The following PLXDC1 variants were observed in gnomAD, a reference collection of about 807,000 sequenced individuals.
PLXDC1 encodes the protein plexin domain-containing protein 1.
PLXDC1 carries 39 observed loss-of-function variants against 61.3 expected under a neutral mutation model. The ratio of observed to expected loss-of-function variants is 0.64; its 90% CI spans 0.49 to 0.83. The LOEUF is 0.83. PLXDC1 is among the 40% of genes least tolerant of loss of function. PLXDC1 has a pLI of 0.00. For missense variants in PLXDC1, 596 were observed against 666.5 expected, an observed-to-expected ratio of 0.89 and a Z score of 1.17; for synonymous variants, 212 against 254.5, an observed-to-expected ratio of 0.83 and a Z score of 1.59.
At chr17:39,135,384 C>T (rs974755991) in intron 2 of PLXDC1, among the ~76,000 whole-genome samples, 1 of 152,140 alleles carries the variant, frequency 6.6e-6, no homozygotes, top group Non-Finnish European at 1.5e-5. Flanking sequence ...TCTTATAGAT[C>T]GGAAGTTCCT....
chr17:39,123,047 G>T (rs368197499), intron 2 of PLXDC1, among the ~76,000 whole-genome samples: 1 of 152,138 alleles, frequency 6.6e-6, no homozygotes, highest in Non-Finnish European at 1.5e-5. Context: ...AGCACAATTC[G>T]AAAACCATTG....
chr17:39,133,675 G>A (rs1911636720), intron 2 of PLXDC1, among the ~76,000 whole-genome samples: 1 of 152,170 alleles, frequency 6.6e-6, no homozygotes. Context: ...CTGGAGTGCT[G>A]TGGCGCGACC....
intron 11 of PLXDC1, among the ~76,000 whole-genome samples, chr17:39,077,459 A>G (rs1371743537): frequency 6.6e-6 from 1 of 152,186 alleles, no homozygotes; most frequent in African/African-American, 2.4e-5. Context: ...CCAGGGCCTG[A>G]AAGTGAGAAG....
Position 39,069,889 on chromosome 17 carries a change from G to T in PLXDC1, c.1350C>A (p.His450Gln). 2 of 1,614,010 alleles carry T rather than the reference G, an allele frequency of 1.2e-6. No individual in the cohort carries two copies. The highest frequency in any genetic ancestry group is 1.7e-4 in the Middle Eastern group (1 of 6,056). Residue 450 changes from histidine (H) to glutamine (Q), a missense_variant, in exon 13 of 14, where the codon CAC (histidine) becomes CAA (glutamine). Transcript: ENST00000315392. ...IILAGIYING[H>Q]PTSNAALFFI... ...AGAAGAGCGCAGCATTGGATGTGGG[G>T]TGGCCATTGATGTAAATTCCAGCCA...
chr17:39,063,739 C>A lies in PLXDC1; in HGVS notation c.*4101G>T, dbSNP rs1908794077. 4.2e-6 allele frequency: 2 copies of A among 477,036 alleles called. No individual in the cohort carries two copies. Among genetic ancestry groups the A allele is most frequent in the Middle Eastern group, 3.8e-4 (1 of 2,620 alleles). 29.6% of individuals were successfully genotyped at this position (477,036 alleles called of 1,614,324 possible). A position where few individuals can be genotyped will look rare whatever the true frequency, so the allele number is the denominator to read the frequency against. On this transcript the variant is annotated 3_prime_UTR_variant, in exon 14 of 14. Transcript: ENST00000315392. ...CAGTCCCCAGATCTTTGAATTCTAC[C>A]ATTAAGTTCAGGTAGGTTTTTGGAG...
chr17:39,120,530 A>C (rs536621163), intron 2 of PLXDC1, among the ~76,000 whole-genome samples: 2 of 152,218 alleles, frequency 1.3e-5, no homozygotes, highest in East Asian at 3.9e-4. Flanking sequence ...GGCAGATCAC[A>C]TGATGATTAG....
rs1265721612 is a variant in PLXDC1 at position 39,151,363 on chromosome 17, T to G, written c.75A>C (p.Ala25=). Residue 25 remains alanine (A), a splice_region_variant and synonymous_variant, in exon 1 of 14, where the codon GCA becomes GCC. Transcript: ENST00000315392. The surrounding 1 kb of genome is among the most constrained non-coding windows in gnomAD (Gnocchi z 5.2). ...CGGGCCGGCTCCCGCCAGTCCTACC[T>G]GCTCCGGGCTGGGGGCTCAGCGCCC... ...AARALSPQPG[A]GHDEGPGSGW... is the part of the protein sequence containing the mutation. 7.8e-7 allele frequency: 1 copy of G among 1,287,244 alleles called. No individual in the cohort carries two copies. Among genetic ancestry groups the G allele is most frequent in the Non-Finnish European group, 9.8e-7 (1 of 1,017,394 alleles). 79.7% of individuals were successfully genotyped at this position (1,287,244 alleles called of 1,614,324 possible).
chr17:39,087,502 G>T, intron 8 of PLXDC1, 105 bp downstream of exon 8: 1 of 856,326 alleles, frequency 1.2e-6, no homozygotes, highest in Non-Finnish European at 1.9e-6. Flanking sequence ...GCCCCGAAAA[G>T]TTAGGTGGCT....
chr17:39,108,840 G>A, intron 4 of PLXDC1, 64 bp downstream of exon 4: 1 of 1,096,092 alleles, frequency 9.1e-7, no homozygotes, highest in Non-Finnish European at 1.4e-6. Flanking sequence ...CCACCCCTGG[G>A]AGGGCCCCTG....
intron 2 of PLXDC1, among the ~76,000 whole-genome samples, chr17:39,120,027 T>C (rs1911109095): frequency 1.3e-5 from 2 of 152,060 alleles, no homozygotes; most frequent in Middle Eastern, 3.4e-3. Context: ...AATATTAAAA[T>C]AGAGATCAGA....
At chr17:39,092,102 AG>A (rs762885873) in intron 7 of PLXDC1, among the ~76,000 whole-genome samples, 21 of 152,230 alleles carry the variant, frequency 1.4e-4, no homozygotes, top group Admixed American at 7.9e-4. Flanking sequence ...ATTTAGAGAC[AG>A]GGTCTCGCTC....
intron 13 of PLXDC1, among the ~76,000 whole-genome samples, chr17:39,069,056 A>C (rs750725114): frequency 5.3e-5 from 8 of 152,152 alleles, no homozygotes; most frequent in Non-Finnish European, 8.8e-5. Flanking sequence ...TAGTATCCTC[A>C]ATTAAAGCTC....
At chr17:39,097,420 C>A (rs1165563395) in intron 7 of PLXDC1, among the ~76,000 whole-genome samples, 1 of 152,140 alleles carries the variant, frequency 6.6e-6, no homozygotes, top group Non-Finnish European at 1.5e-5. Flanking sequence ...AACAAATTCC[C>A]TGCTTGCCGG....
In PLXDC1 at chr17:39,083,393, GC is replaced by G; in HGVS notation, c.989+65del. On this transcript the variant is annotated intron_variant, in intron 9 of 13. Transcript: ENST00000315392. ...CTGTGGGCAGTGAGGCCAGGACGGGGCCATGCCACCCTCTTCCCCTCCACAG... is the reference window on the plus strand; with the variant it reads ...CTGTGGGCAGTGAGGCCAGGACGGGGCATGCCACCCTCTTCCCCTCCACAG... 3 of 1,273,484 alleles carry G rather than the reference GC, an allele frequency of 2.4e-6. No homozygotes were observed. In the South Asian group the frequency reaches 3.7e-5, roughly 16 times the overall value. The allele number at this position is 1,273,484 out of a possible 1,614,324, so 78.9% of individuals were successfully genotyped here.
chr17:39,095,711 C>T (rs1176265716), intron 7 of PLXDC1, among the ~76,000 whole-genome samples: 3 of 151,952 alleles, frequency 2.0e-5, no homozygotes, highest in African/African-American at 7.3e-5. Flanking sequence ...GTCGCCCAGG[C>T]TGGAGTGCAG....
intron 2 of PLXDC1, among the ~76,000 whole-genome samples, chr17:39,133,650 GCT>G (rs1374849555): frequency 6.6e-6 from 1 of 152,140 alleles, no homozygotes; most frequent in East Asian, 1.9e-4. Context: ...GCTGGGTCTT[GCT>G]CTGTCACCCA....
intron 8 of PLXDC1, among the ~76,000 whole-genome samples, chr17:39,084,497 A>C (rs1340128353): frequency 6.6e-6 from 1 of 152,224 alleles, no homozygotes; most frequent in African/African-American, 2.4e-5. Flanking sequence ...GGTTGCCCCC[A>C]GTGCTTGTTG....
chr17:39,079,810 C>A (rs1261150533), intron 9 of PLXDC1: 2 of 329,322 alleles, frequency 6.1e-6, no homozygotes, highest in Non-Finnish European at 1.2e-5. Context: ...CTAGGGGAAC[C>A]CACCAAGCCC....
intron 12 of PLXDC1, chr17:39,072,210 C>T: frequency 1.8e-6 from 1 of 559,526 alleles, no homozygotes; most frequent in Non-Finnish European, 3.2e-6. Context: ...AGGAGAAGAA[C>T]CACAGGAGGT....
Sources: allele counts gnomAD v4.1 joint callset (sites outside exome capture counted in the v4.1 genomes callset), GRCh38; gene constraint gnomAD v4.1.1; non-coding constraint Gnocchi (gnomAD v3.1); transcripts MANE v1.5; gene names NCBI Gene and HGNC (gene_info 2026-07-23, HGNC 2026-07-21).